Variants in NFIA observed in about 807,000 individuals in gnomAD.
NFIA encodes the protein nuclear factor 1 A-type.
NFIA carries 8 observed loss-of-function variants against 62.8 expected under a neutral mutation model. The observed-to-expected ratio is 0.13, with a 90% CI of 0.07 to 0.23. The LOEUF (loss-of-function observed/expected upper bound fraction) is 0.23, where lower values mean the gene tolerates loss of function less well. Ranked by LOEUF, NFIA falls within the 10% of genes least tolerant of loss-of-function variation. The probability of loss-of-function intolerance (pLI) is 1.00; values close to 1 mark genes in which losing one functional copy is unlikely to be tolerated. For synonymous variants in NFIA, 235 were observed against 238.1 expected (o/e 0.99, Z 0.12); for missense variants, 410 against 642.1 (o/e 0.64, Z 3.91).
At chr1:61,096,547 CTT>C (rs369305204) in intron 2 of NFIA, among the ~76,000 whole-genome samples, 3,894 of 80,068 alleles carry the variant, frequency 0.049, 39 homozygotes, top group African/African-American at 0.085. Context: ...AAGATTAGTT[CTT>C]TTTTTTTTTT....
At position 61,310,764 on chromosome 1, in the gene NFIA, T is replaced by TTTCCTTCC. The variant is rs372925891; in HGVS notation, c.626-21722_626-21715dup. ...ATCCCCTCCTCCTGCTTCTCCCTCT[T>TTTCCTTCC]TTCCTTCCTTCCTTCCTTCCTTCCT... On this transcript the variant is annotated intron_variant, in intron 3 of 10. Coordinates refer to ENST00000403491, the MANE Select transcript of NFIA (RefSeq NM_001134673.4). 2.8e-3 allele frequency among the ~76,000 whole-genome samples: 365 copies of TTTCCTTCC among 129,400 alleles called. 11 individuals are homozygous for TTTCCTTCC. Among genetic ancestry groups the TTTCCTTCC allele is most frequent in the African/African-American group, 9.0e-3 (280 of 31,232 alleles). 84.9% of individuals were successfully genotyped at this position (129,400 alleles called of 152,430 possible). A position where few individuals can be genotyped will look rare whatever the true frequency, so the allele number is the denominator to read the frequency against.
chr1:61,451,253 G>A (rs951420039), intron 10 of NFIA, among the ~76,000 whole-genome samples: 1 of 152,166 alleles, frequency 6.6e-6, no homozygotes, highest in African/African-American at 2.4e-5. Flanking sequence ...GTAAATTAAC[G>A]GGCGGCAAGT....
At chr1:61,125,472 C>T (rs947878847) in intron 2 of NFIA, among the ~76,000 whole-genome samples, 7 of 152,148 alleles carry the variant, frequency 4.6e-5, no homozygotes, top group Non-Finnish European at 7.4e-5. Context: ...AAGTTAGGAA[C>T]GACAAGGCTA....
intron 10 of NFIA, among the ~76,000 whole-genome samples, chr1:61,437,702 G>A (rs1365346426): frequency 6.6e-6 from 1 of 152,190 alleles, no homozygotes; most frequent in Non-Finnish European, 1.5e-5. Flanking sequence ...CTGGGGAGAA[G>A]CATGGAGCTC....
At chr1:61,192,246 AGTGTTG>A (rs1651687376) in intron 2 of NFIA, among the ~76,000 whole-genome samples, 1 of 152,160 alleles carries the variant, frequency 6.6e-6, no homozygotes. Flanking sequence ...CACAGTGCAA[AGTGTTG>A]GGATTATAGG....
intron 10 of NFIA, among the ~76,000 whole-genome samples, chr1:61,435,277 C>T (rs1234021231): frequency 6.6e-6 from 1 of 152,178 alleles, no homozygotes; most frequent in Non-Finnish European, 1.5e-5. Context: ...AATTCAGCTT[C>T]CTCATCTGTG....
intron 1 of NFIA, among the ~76,000 whole-genome samples, chr1:61,083,076 T>A (rs1247113996): frequency 6.6e-6 from 1 of 152,144 alleles, no homozygotes; most frequent in Admixed American, 6.5e-5. Flanking sequence ...GGCACATGGC[T>A]AATGGCGCCC....
At chr1:61,192,070 C>T (rs1483838401) in intron 2 of NFIA, among the ~76,000 whole-genome samples, 1 of 132,460 alleles carries the variant, frequency 7.5e-6, no homozygotes, top group Non-Finnish European at 1.6e-5. Flanking sequence ...GGCAGTTCTC[C>T]TCCTCAGCCT....
At chr1:61,182,095 C>A (rs975559685) in intron 2 of NFIA, among the ~76,000 whole-genome samples, 1 of 152,100 alleles carries the variant, frequency 6.6e-6, no homozygotes, top group Non-Finnish European at 1.5e-5. Flanking sequence ...ACTTTAAATT[C>A]TTTCTGTATT....
chr1:61,152,866 T>G (rs867209012), intron 2 of NFIA, among the ~76,000 whole-genome samples: 18 of 152,180 alleles, frequency 1.2e-4, no homozygotes, highest in South Asian at 8.3e-4. Context: ...TCCTGGTCTG[T>G]GTCTTTTACT....
intron 3 of NFIA, among the ~76,000 whole-genome samples, chr1:61,307,551 C>T (rs961099528): frequency 6.6e-6 from 1 of 152,218 alleles, no homozygotes; most frequent in African/African-American, 2.4e-5. Flanking sequence ...ATCTGAGAAT[C>T]AGTCACCTGG....
intron 10 of NFIA, among the ~76,000 whole-genome samples, chr1:61,431,261 G>A (rs1491001633): frequency 6.6e-6 from 1 of 152,160 alleles, no homozygotes; most frequent in Non-Finnish European, 1.5e-5. Flanking sequence ...TCATCATCAG[G>A]TAGTAAATAG....
At chr1:61,334,608 T>G (rs1661500999) in intron 4 of NFIA, among the ~76,000 whole-genome samples, 1 of 109,558 alleles carries the variant, frequency 9.1e-6, no homozygotes, top group African/African-American at 3.3e-5. Context: ...TATATATATA[T>G]ATATGTATCA....
chr1:61,313,568 A>G (rs1443560226), intron 3 of NFIA, among the ~76,000 whole-genome samples: 1 of 152,150 alleles, frequency 6.6e-6, no homozygotes, highest in East Asian at 1.9e-4. Flanking sequence ...CACACTTCCA[A>G]TATTGGGGAT....
intron 2 of NFIA, among the ~76,000 whole-genome samples, chr1:61,167,734 A>G (rs571600324): frequency 2.0e-5 from 3 of 152,242 alleles, no homozygotes; most frequent in Non-Finnish European, 2.9e-5. Context: ...AAATGGTGTT[A>G]TTTCTCATTA....
At chr1:61,128,613 T>G (rs1195992201) in intron 2 of NFIA, among the ~76,000 whole-genome samples, 2 of 152,046 alleles carry the variant, frequency 1.3e-5, no homozygotes, top group Non-Finnish European at 2.9e-5. Context: ...AAGATGACCT[T>G]TATTATGTTT....
At chr1:61,137,756 T>C (rs1195776727) in intron 2 of NFIA, among the ~76,000 whole-genome samples, 1 of 152,222 alleles carries the variant, frequency 6.6e-6, no homozygotes, top group Admixed American at 6.5e-5. Flanking sequence ...CCCATAGTAT[T>C]AAGCCTAGCT....
intron 2 of NFIA, among the ~76,000 whole-genome samples, chr1:61,249,327 C>T (rs1008040453): frequency 6.6e-6 from 1 of 152,080 alleles, no homozygotes; most frequent in Non-Finnish European, 1.5e-5. Flanking sequence ...AAATCAAAAA[C>T]TTTACTAACC....
At chr1:61,182,600 T>C (rs1421573617) in intron 2 of NFIA, among the ~76,000 whole-genome samples, 2 of 152,182 alleles carry the variant, frequency 1.3e-5, no homozygotes, top group Non-Finnish European at 2.9e-5. Context: ...ACAGCAAATG[T>C]TTCCGTTAAA....
Sources: allele counts gnomAD v4.1 joint callset (sites outside exome capture counted in the v4.1 genomes callset), GRCh38; gene constraint gnomAD v4.1.1; transcripts MANE v1.5; gene names NCBI Gene and HGNC (gene_info 2026-07-23, HGNC 2026-07-21).